The following PPFIA3 variants were observed in gnomAD, a reference collection of about 807,000 sequenced individuals.
PPFIA3 encodes the protein liprin-alpha-3.
Under a neutral mutation model 145.8 loss-of-function variants are expected in PPFIA3, and 26 were observed. The ratio of observed to expected loss-of-function variants is 0.18; its 90% CI spans 0.13 to 0.25. The LOEUF is 0.25. Ranked by LOEUF, PPFIA3 falls within the 10% of genes least tolerant of loss-of-function variation. The pLI is 1.00. For missense variants in PPFIA3, 1,008 were observed against 1,587.8 expected (o/e 0.63, Z 6.21); for synonymous variants, 645 against 661.4 (o/e 0.98, Z 0.38).
Position 49,137,628 on chromosome 19 carries a change from C to CAAAAAAAAAAA in PPFIA3, c.1854-557_1854-547dup, listed in dbSNP as rs3032695. Among the ~76,000 whole-genome samples the CAAAAAAAAAAA allele has an allele frequency of 8.5e-4, 37 of 43,784 alleles. 4 individuals carry two copies. Among genetic ancestry groups the CAAAAAAAAAAA allele is most frequent in the Middle Eastern group, 0.031 (1 of 32 alleles). 28.7% of individuals were successfully genotyped at this position (43,784 alleles called of 152,430 possible). ...TGGGCTACAGAGCGAGACTCCGTGT[C>CAAAAAAAAAAA]AAAAAAAAAAAAAAAAAAAAAAAAA... On this transcript the variant is annotated intron_variant, in intron 15 of 29. Transcript: ENST00000334186.
Position 49,128,089 on chromosome 19 carries a change from C to A in PPFIA3, c.216C>A (p.Arg72=), listed in dbSNP as rs751602779. ...GCCACGAGAAGGACTCGCTGCAGCGCCAGCTCAGCATCGCGCTGCCCCAGG... is the reference window on the plus strand; with the variant it reads ...GCCACGAGAAGGACTCGCTGCAGCGACAGCTCAGCATCGCGCTGCCCCAGG... The part of the protein sequence containing the change: ...ELGHEKDSLQ[R]QLSIALPQEF... The change falls in exon 2 of 30, where the codon CGC becomes CGA. Residue 72 remains arginine (R), a synonymous_variant. Coordinates refer to ENST00000334186, the MANE Select transcript of PPFIA3 (RefSeq NM_003660.4). This position sits in a 1 kb window ranked among gnomAD's most constrained non-coding sequence, Gnocchi z 4.1. 3.8e-6 allele frequency: 6 copies of A among 1,581,198 alleles called. No individual in the cohort carries two copies. Among genetic ancestry groups the A allele is most frequent in the Non-Finnish European group, 4.3e-6 (5 of 1,172,214 alleles).
intron 23 of PPFIA3, 56 bp from the exon 24 acceptor site, chr19:49,148,027 C>A: frequency 6.5e-7 from 1 of 1,536,146 alleles, no homozygotes; most frequent in South Asian, 1.2e-5. Flanking sequence ...CCCTCTCATG[C>A]ACAGTGGGAA....
chr19:49,133,710 C>T lies in PPFIA3; in HGVS notation c.1162-86C>T. 1 of 1,393,780 alleles carries T rather than the reference C, an allele frequency of 7.2e-7. No individual in the cohort carries two copies. The highest frequency in any genetic ancestry group is 1.0e-6 in the Non-Finnish European group (1 of 995,082). 86.3% of individuals were successfully genotyped at this position (1,393,780 alleles called of 1,614,324 possible). On this transcript the variant is annotated intron_variant, in intron 9 of 29. Coordinates refer to ENST00000334186, the MANE Select transcript of PPFIA3 (RefSeq NM_003660.4). This position sits in a 1 kb window ranked among gnomAD's most constrained non-coding sequence, Gnocchi z 7.2. ...GAGCCTGGCGCTGTGGGGGCGGAGCCTGGCGCTCAGCCTTGGAGGAGGTGG... is the reference window on the plus strand; with the variant it reads ...GAGCCTGGCGCTGTGGGGGCGGAGCTTGGCGCTCAGCCTTGGAGGAGGTGG...
At chr19:49,122,215 G>A (rs2040944727) in intron 1 of PPFIA3, among the ~76,000 whole-genome samples, 1 of 151,160 alleles carries the variant, frequency 6.6e-6, no homozygotes, top group Non-Finnish European at 1.5e-5. Context: ...TGAGTAGCTG[G>A]GATTACAGGC....
intron 13 of PPFIA3, 80 bp from the exon 14 acceptor site, chr19:49,135,699 C>A (rs745124): frequency 1.0e-5 from 15 of 1,431,350 alleles, no homozygotes; most frequent in African/African-American, 1.4e-5. Context: ...ACCCCTGGCC[C>A]TAGGTCTGTC....
In PPFIA3 at chr19:49,120,255, G is replaced by A. The variant is rs1250815785; in HGVS notation, c.-16+533G>A. On this transcript the variant is annotated intron_variant, in intron 1 of 29. Transcript: ENST00000334186. The surrounding 1 kb of genome is among the most constrained non-coding windows in gnomAD (Gnocchi z 4.6). Reference sequence around the variant, plus strand: ...CCCACCTCCTGCCGCCGCCACCAGGGAGGGGGCGCAGGCGGCGCGGGGATC... The same window carrying A: ...CCCACCTCCTGCCGCCGCCACCAGGAAGGGGGCGCAGGCGGCGCGGGGATC... Among the ~76,000 whole-genome samples the A allele has an allele frequency of 6.6e-6, 1 of 151,962 alleles. No individual in the cohort carries two copies. Among genetic ancestry groups the A allele is most frequent in the East Asian group, 1.9e-4 (1 of 5,130 alleles).
chr19:49,149,876 G>A lies in PPFIA3; in HGVS notation c.3526+158G>A. On this transcript the variant is annotated intron_variant, in intron 28 of 29. Transcript: ENST00000334186. This position sits in a 1 kb window ranked among gnomAD's most constrained non-coding sequence, Gnocchi z 5.7. ...CCGGACTCCCCCGTCAGGATGAAAT[G>A]GATAAATCCCACTCCCCCTTCCCAG... 2 of 1,144,064 alleles carry A rather than the reference G, an allele frequency of 1.7e-6. No individual in the cohort carries two copies. The highest frequency in any genetic ancestry group is 2.4e-6 in the Non-Finnish European group (2 of 823,026). 70.9% of individuals were successfully genotyped at this position (1,144,064 alleles called of 1,614,324 possible). A position where few individuals can be genotyped will look rare whatever the true frequency, so the allele number is the denominator to read the frequency against.
chr19:49,127,546 C>G (rs2041016866), intron 1 of PPFIA3, among the ~76,000 whole-genome samples: 1 of 151,786 alleles, frequency 6.6e-6, no homozygotes, highest in African/African-American at 2.4e-5. Flanking sequence ...CTGCAGTGGG[C>G]CGTGATCGCG....
intron 18 of PPFIA3, among the ~76,000 whole-genome samples, chr19:49,140,581 C>T (rs533630722): frequency 2.9e-4 from 44 of 149,326 alleles, no homozygotes; most frequent in African/African-American, 9.7e-4. Flanking sequence ...GAACTCCTGA[C>T]CTCAGATGAT....
At chr19:49,124,192 T>C (rs1402585481) in intron 1 of PPFIA3, among the ~76,000 whole-genome samples, 1 of 152,138 alleles carries the variant, frequency 6.6e-6, no homozygotes, top group Non-Finnish European at 1.5e-5. Flanking sequence ...TATTTATTTA[T>C]TTATTTTGAG....
chr19:49,146,114 T>C, intron 22 of PPFIA3, 52 bp from the exon 23 acceptor site: 1 of 1,612,158 alleles, frequency 6.2e-7, no homozygotes, highest in Non-Finnish European at 8.5e-7. Context: ...CGTCCTCCTC[T>C]GCCTGCCCCT....
intron 1 of PPFIA3, among the ~76,000 whole-genome samples, chr19:49,122,273 G>C (rs2040945157): frequency 6.6e-6 from 1 of 151,974 alleles, no homozygotes; most frequent in African/African-American, 2.4e-5. Context: ...GTAGAGATGG[G>C]GGTTTCTCCA....
rs921253619 is a variant in PPFIA3 at position 49,130,436 on chromosome 19, A to C, written c.716A>C (p.Glu239Ala). The change falls in exon 7 of 30, where the codon GAG (glutamate) becomes GCG (alanine). Residue 239 changes from glutamate (E) to alanine (A), a missense_variant. Transcript: ENST00000334186. This position sits in a 1 kb window ranked among gnomAD's most constrained non-coding sequence, Gnocchi z 4.5. ...TCCAACCGGCGCACAGCAGAGCTGG[A>C]GGAGGCCCTGGAGCGGCAGCGCGCC... ...GDSNRRTAEL[E>A]EALERQRAEV... 2.5e-6 allele frequency: 4 copies of C among 1,610,948 alleles called. No homozygotes were observed. Among genetic ancestry groups the C allele is most frequent in the Admixed American group, 1.7e-5 (1 of 59,658 alleles).
At position 49,139,802 on chromosome 19, in the gene PPFIA3, C is replaced by T; in HGVS notation, c.2211C>T (p.Ser737=). 2 of 1,611,960 alleles carry T rather than the reference C, an allele frequency of 1.2e-6. No individual in the cohort carries two copies. Among genetic ancestry groups the T allele is most frequent in the South Asian group, 1.1e-5 (1 of 90,926 alleles). The change falls in exon 17 of 30, where the codon TCC becomes TCT. Residue 737 remains serine, a synonymous_variant. Coordinates refer to ENST00000334186, the MANE Select transcript of PPFIA3 (RefSeq NM_003660.4). ...MTQALALQAG[S]LEDGGPPRGS... The stretch of plus-strand genomic sequence containing the variant: ...AGGCCTTGGCACTGCAGGCGGGGTC[C>T]CTGGAAGATGGGGGACCCCCACGGG...
chr19:49,144,985 C>G lies in PPFIA3; in HGVS notation c.2746-958C>G, dbSNP rs1468390831. Among the ~76,000 whole-genome samples, 3 of 145,642 alleles carry G rather than the reference C, an allele frequency of 2.1e-5. No homozygotes were observed. The South Asian group carries it at 6.5e-4, about 31-fold the overall frequency. The stretch of plus-strand genomic sequence containing the variant: ...TCACTCTGTCGCCCAGGCTGGAGTG[C>G]AGTGGTGCGATCTTGGCTCACTGCA... On this transcript the variant is annotated intron_variant, in intron 21 of 29. Transcript: ENST00000334186.
At chr19:49,129,206 G>A (rs1228287697) in intron 4 of PPFIA3, among the ~76,000 whole-genome samples, 174 bp from the exon 5 acceptor site, 2 of 152,212 alleles carry the variant, frequency 1.3e-5, no homozygotes, top group East Asian at 1.9e-4. Flanking sequence ...CCAGGATGGG[G>A]GCTAACAGTG....
At chr19:49,140,261 AAGG>A (rs1249040046) in intron 18 of PPFIA3, among the ~76,000 whole-genome samples, 173 bp downstream of exon 18, 1 of 152,154 alleles carries the variant, frequency 6.6e-6, no homozygotes, top group Non-Finnish European at 1.5e-5. Context: ...GAGGAGGGAA[AAGG>A]AAAGGGCACT....
chr19:49,138,247 G>C lies in PPFIA3; in HGVS notation c.1896G>C (p.Glu632Asp), dbSNP rs748823268. 1 of 1,611,874 alleles carries C rather than the reference G, an allele frequency of 6.2e-7. No individual in the cohort carries two copies. Among genetic ancestry groups the C allele is most frequent in the South Asian group, 1.1e-5 (1 of 90,874 alleles). Residue 632 changes from glutamate to aspartate, a missense_variant, in exon 16 of 30, where the codon GAG becomes GAC. By Grantham distance (45) the Glu-to-Asp change is conservative. This residue lies in a region of PPFIA3 where 202 missense variants were observed against 241.8 expected (regional missense o/e 0.84). Transcript: ENST00000334186. The part of the protein sequence containing the change: ...EEKETTEQRA[E>D]ELESRVSSSG... ...AGGAGACAACAGAACAGAGGGCAGA[G>C]GAGCTGGAGAGTCGGGTGTCCAGCT...
intron 18 of PPFIA3, among the ~76,000 whole-genome samples, chr19:49,140,650 T>G: frequency 7.8e-6 from 1 of 127,482 alleles, no homozygotes; most frequent in Non-Finnish European, 1.6e-5. Flanking sequence ...TTTTTTTTTT[T>G]TTTTTTTTTT....
Sources: gnomAD v4.1 joint callset for allele counts (sites outside exome capture counted in the v4.1 genomes callset) on GRCh38, gnomAD v4.1.1 for gene constraint, gnomAD v4.1.1 regional missense constraint, Gnocchi (gnomAD v3.1) non-coding constraint, MANE v1.5 for transcripts, NCBI Gene and HGNC (gene_info 2026-07-23, HGNC 2026-07-21) for gene names.